Variants in CMKLR2 observed in about 807,000 individuals in gnomAD.
CMKLR2 encodes chemerin-like receptor 2.
In CMKLR2, 18 loss-of-function variants were observed where a neutral mutation model predicts 23.0. That is an observed-to-expected ratio of 0.78 (90% confidence interval 0.54 to 1.16). CMKLR2 has a LOEUF of 1.16. CMKLR2 is among the 50% of genes most tolerant of loss of function. The probability of loss-of-function intolerance (pLI) is 0.00; values close to 1 mark genes in which losing one functional copy is unlikely to be tolerated. For missense variants in CMKLR2, 401 were observed against 412.7 expected (o/e 0.97, Z 0.25); for synonymous variants, 158 against 158.9 (o/e 0.99, Z 0.05).
rs556249049 is a variant in CMKLR2, at chr2:206,175,869, A to G, written c.*311T>C. ...TCAAAAAATAACTGATATTGCTTCA[A>G]AAGTGATTAATTCACCATGGTATAA... On this transcript the variant is annotated 3_prime_UTR_variant, in exon 2 of 2. Transcript: ENST00000621141. The G allele has an allele frequency of 1.8e-5, 4 of 217,426 alleles. No homozygotes were observed. Among genetic ancestry groups the G allele is most frequent in the South Asian group, 3.2e-4 (2 of 6,210 alleles). The allele number at this position is 217,426 out of a possible 1,614,324, so 13.5% of individuals were successfully genotyped here. A position where few individuals can be genotyped will look rare whatever the true frequency, so the allele number is the denominator to read the frequency against.
chr2:206,214,165 ATTTTTTTTTTTTTT>A (rs34307347), upstream of CMKLR2, among the ~76,000 whole-genome samples: 2 of 64,940 alleles, frequency 3.1e-5, no homozygotes, highest in African/African-American at 1.3e-4. Context: ...TAAAGACTTG[ATTTTTTTTTTTTTT>A]TTTTTTTTTT....
intron 1 of CMKLR2, chr2:206,204,088 C>T (rs894334795): frequency 5.9e-5 from 9 of 152,362 alleles, no homozygotes; most frequent in Admixed American, 4.6e-4. Flanking sequence ...CGCAGTGGCT[C>T]ACGCCTGTAA....
At chr2:206,179,374 C>CT (rs1178241566) in intron 1 of CMKLR2, among the ~76,000 whole-genome samples, 1,407 of 76,150 alleles carry the variant, frequency 0.018, 48 homozygotes, top group South Asian at 0.035. Flanking sequence ...CGCACCCAGC[C>CT]TTTTTTTTTT....
At chr2:206,189,119 C>T (rs905084608) in intron 1 of CMKLR2, among the ~76,000 whole-genome samples, 2 of 152,148 alleles carry the variant, frequency 1.3e-5, no homozygotes, top group Non-Finnish European at 2.9e-5. Flanking sequence ...TCATGGATCA[C>T]TGCAAAAATG....
At position 206,177,078 on chromosome 2, in the gene CMKLR2, G is replaced by T; in HGVS notation, c.170C>A (p.Ala57Asp). The part of the protein sequence containing the change: ...LAFVLGIPGN[A>D]IVIWFTGFKW... ...GAACCCCGTGAACCAAATGACGATGGCATTTCCTGGAATTCCCAGAACAAA... is the reference window on the plus strand; with the variant it reads ...GAACCCCGTGAACCAAATGACGATGTCATTTCCTGGAATTCCCAGAACAAA... The change falls in exon 2 of 2, where the codon GCC becomes GAC. Residue 57 changes from alanine (A) to aspartate (D), a missense_variant. Physicochemically the swap from Ala to Asp is moderately radical, Grantham distance 126 (BLOSUM62 -2). Coordinates refer to ENST00000621141, the MANE Select transcript of CMKLR2 (RefSeq NM_001389445.1). 2 of 1,614,178 alleles carry T rather than the reference G, an allele frequency of 1.2e-6. No homozygotes were observed. The highest frequency in any genetic ancestry group is 1.7e-6 in the Non-Finnish European group (2 of 1,180,024).
chr2:206,187,204 A>G (rs908640589), intron 1 of CMKLR2, among the ~76,000 whole-genome samples: 1 of 152,076 alleles, frequency 6.6e-6, no homozygotes, highest in Non-Finnish European at 1.5e-5. Context: ...AAAATTAGCC[A>G]GGCGCAGTAA....
chr2:206,215,287 G>A (rs898474137), upstream of CMKLR2, among the ~76,000 whole-genome samples: 3 of 152,140 alleles, frequency 2.0e-5, no homozygotes, highest in Non-Finnish European at 4.4e-5. Flanking sequence ...ATTCCTTTGC[G>A]TTAGCAGTAT....
chr2:206,196,532 C>G (rs1363302106), intron 1 of CMKLR2, among the ~76,000 whole-genome samples: 1 of 152,168 alleles, frequency 6.6e-6, no homozygotes, highest in East Asian at 1.9e-4. Flanking sequence ...CCATTCTTCC[C>G]TGCAGAGGAG....
At chr2:206,196,330 T>C (rs1688919072) in intron 1 of CMKLR2, among the ~76,000 whole-genome samples, 1 of 151,968 alleles carries the variant, frequency 6.6e-6, no homozygotes, top group Admixed American at 6.6e-5. Context: ...GCCAAGATCA[T>C]ACCACTGCAT....
chr2:206,181,376 T>G (rs1048766337), intron 1 of CMKLR2, among the ~76,000 whole-genome samples: 2 of 151,288 alleles, frequency 1.3e-5, no homozygotes, highest in Non-Finnish European at 2.9e-5. Context: ...TTTTTTTTTT[T>G]AGAAACGAGT....
upstream of CMKLR2, chr2:206,217,779 G>C (rs1364330838): frequency 6.6e-6 from 1 of 152,178 alleles, no homozygotes; most frequent in African/African-American, 2.4e-5. Flanking sequence ...CGCGGGGTGT[G>C]AAGCTTTGGG....
At chr2:206,193,642 G>A (rs1267948506) in intron 1 of CMKLR2, among the ~76,000 whole-genome samples, 2 of 152,142 alleles carry the variant, frequency 1.3e-5, no homozygotes, top group Non-Finnish European at 2.9e-5. Context: ...GTATCGTAAC[G>A]TAACAAAGGA....
intron 1 of CMKLR2, among the ~76,000 whole-genome samples, chr2:206,188,808 A>C (rs1023585844): frequency 2.0e-5 from 3 of 152,220 alleles, no homozygotes; most frequent in Admixed American, 1.3e-4. Context: ...TGTCTGATCT[A>C]TTCAGGTGTA....
chr2:206,188,085 C>A (rs1688638891), intron 1 of CMKLR2, among the ~76,000 whole-genome samples: 1 of 152,056 alleles, frequency 6.6e-6, no homozygotes, highest in African/African-American at 2.4e-5. Flanking sequence ...AGGCGTGTGC[C>A]ACCACACCTG....
At chr2:206,189,149 A>G (rs1688672583) in intron 1 of CMKLR2, among the ~76,000 whole-genome samples, 1 of 152,226 alleles carries the variant, frequency 6.6e-6, no homozygotes, top group Non-Finnish European at 1.5e-5. Context: ...CAGAATCTTA[A>G]GGCAGTTTAG....
chr2:206,182,595 A>G (rs147446691), intron 1 of CMKLR2, among the ~76,000 whole-genome samples: 486 of 152,080 alleles, frequency 3.2e-3, no homozygotes, highest in Middle Eastern at 0.01. Context: ...AGTCAGGGTC[A>G]CTGCCAGACT....
intron 1 of CMKLR2, among the ~76,000 whole-genome samples, chr2:206,189,942 G>A (rs935728355): frequency 6.6e-6 from 1 of 152,082 alleles, no homozygotes; most frequent in African/African-American, 2.4e-5. Flanking sequence ...TCAGATGAAC[G>A]ATCTCTGCTT....
chr2:206,217,902 A>G (rs576851470), upstream of CMKLR2: 1 of 152,204 alleles, frequency 6.6e-6, no homozygotes, highest in Non-Finnish European at 1.5e-5. Context: ...TTGTGGTTTA[A>G]TGATTTCTCT....
chr2:206,182,792 G>A (rs1375757804), intron 1 of CMKLR2, among the ~76,000 whole-genome samples: 1 of 151,888 alleles, frequency 6.6e-6, no homozygotes, highest in Non-Finnish European at 1.5e-5. Flanking sequence ...AATTTTTTTT[G>A]TATTTTTAGT....
Sources: gnomAD v4.1 joint callset for allele counts (sites outside exome capture counted in the v4.1 genomes callset) on GRCh38, gnomAD v4.1.1 for gene constraint, MANE v1.5 for transcripts, NCBI Gene and HGNC (gene_info 2026-07-23, HGNC 2026-07-21) for gene names.